The following KDM3B variants were observed in gnomAD, a reference collection of about 807,000 sequenced individuals.
KDM3B encodes lysine demethylase 3B, also known as lysine-specific demethylase 3B.
A neutral mutation model predicts 170.0 loss-of-function variants in KDM3B; 10 were observed. That is an observed-to-expected ratio of 0.06 (90% confidence interval 0.04 to 0.10). The LOEUF (loss-of-function observed/expected upper bound fraction) is 0.10. Ranked by LOEUF, KDM3B falls within the 10% of genes least tolerant of loss-of-function variation. The pLI is 1.00. For synonymous variants in KDM3B, 831 were observed against 834.8 expected, an observed-to-expected ratio of 1.00 and a Z score of 0.08; for missense variants, 1,394 against 2,195.2, an observed-to-expected ratio of 0.64 and a Z score of 7.29.
chr5:138,415,637 A>G (rs1763083760), intron 12 of KDM3B, among the ~76,000 whole-genome samples: 1 of 150,224 alleles, frequency 6.7e-6, no homozygotes. Context: ...TTTTTCAGAG[A>G]CGGAGTCCCA....
chr5:138,430,665 T>C (rs768386971), intron 22 of KDM3B, among the ~76,000 whole-genome samples: 3 of 151,966 alleles, frequency 2.0e-5, no homozygotes, highest in Non-Finnish European at 4.4e-5. Context: ...CCGAGGCGGG[T>C]GGATCACCTG....
At chr5:138,430,504 G>A in intron 22 of KDM3B, 79 bp downstream of exon 22, 2 of 1,290,252 alleles carry the variant, frequency 1.6e-6, no homozygotes, top group Non-Finnish European at 2.2e-6. Context: ...TCTACCAAGA[G>A]ATTTAAGTAG....
intron 15 of KDM3B, among the ~76,000 whole-genome samples, chr5:138,422,010 T>G (rs1198148137): frequency 1.3e-5 from 2 of 152,186 alleles, no homozygotes; most frequent in East Asian, 3.8e-4. Flanking sequence ...CACTTGTTAT[T>G]TCCTCCACCT....
At chr5:138,388,641 TAAA>T (rs60280463) in intron 7 of KDM3B, among the ~76,000 whole-genome samples, 3 of 84,642 alleles carry the variant, frequency 3.5e-5, no homozygotes, top group African/African-American at 4.6e-5. Flanking sequence ...ACTCCGTCTT[TAAA>T]AAAAAAAAAA....
chr5:138,421,381 T>G (rs919063811), intron 15 of KDM3B, among the ~76,000 whole-genome samples: 4 of 152,260 alleles, frequency 2.6e-5, no homozygotes, highest in African/African-American at 9.6e-5. Context: ...TACTGGTTGG[T>G]GGCATCTCTG....
At chr5:138,364,927 A>G (rs115362122) in intron 1 of KDM3B, among the ~76,000 whole-genome samples, 3,734 of 152,264 alleles carry the variant, frequency 0.025, 71 homozygotes, top group Non-Finnish European at 0.035. Flanking sequence ...TTTATTCAGG[A>G]TGTTAGAAAG....
At position 138,379,792 on chromosome 5, in the gene KDM3B, A is replaced by G. The variant is rs1004497958; in HGVS notation, c.705+84A>G. The G allele has an allele frequency of 3.0e-6, 4 of 1,346,700 alleles. No individual in the cohort carries two copies. In the African/African-American group the frequency reaches 5.9e-5, roughly 20 times the overall value. The allele number at this position is 1,346,700 out of a possible 1,614,324, so 83.4% of individuals were successfully genotyped here. On this transcript the variant is annotated intron_variant, in intron 5 of 23. Transcript: ENST00000314358. ...GATAGGCGAGCACTTCATTATGTGT[A>G]AGATGACTTGGGTTTCATCCCTGGC...
chr5:138,400,070 T>A (rs1166356069), intron 11 of KDM3B, 58 bp downstream of exon 11: 4 of 1,553,784 alleles, frequency 2.6e-6, no homozygotes, highest in East Asian at 2.3e-5. Flanking sequence ...GTCCAAGATG[T>A]TGTGGGATTT....
At chr5:138,428,224 G>T in intron 20 of KDM3B, 138 bp downstream of exon 20, 1 of 910,386 alleles carries the variant, frequency 1.1e-6, no homozygotes, top group South Asian at 1.7e-5. Context: ...TTTGGGGGGC[G>T]GGGAGGCAGA....
chr5:138,373,559 C>T (rs1323246912), intron 2 of KDM3B, among the ~76,000 whole-genome samples: 3 of 151,770 alleles, frequency 2.0e-5, no homozygotes, highest in East Asian at 3.9e-4. Flanking sequence ...CAGAGCTCAC[C>T]GCAACCTCTG....
intron 11 of KDM3B, among the ~76,000 whole-genome samples, chr5:138,402,745 G>A (rs561632719): frequency 3.9e-5 from 6 of 152,318 alleles, no homozygotes; most frequent in African/African-American, 1.4e-4. Flanking sequence ...ATCTCTAAGA[G>A]AAGGGAAAAA....
intron 14 of KDM3B, 134 bp downstream of exon 14, chr5:138,419,366 A>G (rs1347005273): frequency 7.9e-6 from 9 of 1,142,866 alleles, no homozygotes; most frequent in African/African-American, 3.1e-5. Flanking sequence ...CACATGAGGG[A>G]CTGCCGGGGC....
intron 11 of KDM3B, among the ~76,000 whole-genome samples, chr5:138,406,896 T>C (rs1441019381): frequency 2.9e-5 from 4 of 137,972 alleles, no homozygotes; most frequent in African/African-American, 1.1e-4. Flanking sequence ...TCTTTAATAA[T>C]AAAAAAAAAG....
chr5:138,357,409 C>G (rs1293406031), intron 1 of KDM3B, among the ~76,000 whole-genome samples: 3 of 151,536 alleles, frequency 2.0e-5, no homozygotes, highest in Non-Finnish European at 4.4e-5. Context: ...GTCACCCAAG[C>G]TGGAGTGCAA....
In KDM3B at chr5:138,386,488, G is replaced by A; in HGVS notation, c.1247G>A (p.Gly416Asp). The change falls in exon 7 of 24, where the codon GGC (glycine) becomes GAC (aspartate). Residue 416 changes from glycine (G) to aspartate (D), a missense_variant. Around this residue, in one of 19 missense-constraint regions of KDM3B, gnomAD observed 205 missense variants for 227.6 expected, o/e 0.90. Coordinates refer to ENST00000314358, the MANE Select transcript of KDM3B (RefSeq NM_016604.4). ...AAAACACTGGAACAAGTTGGCCAGG[G>A]CATAGTGGCTTCCGCAGCTGTGGTC... ...AGKTLEQVGQ[G>D]IVASAAVVTT... The A allele has an allele frequency of 1.2e-6, 2 of 1,614,184 alleles. No individual in the cohort carries two copies. Among genetic ancestry groups the A allele is most frequent in the East Asian group, 2.2e-5 (1 of 44,888 alleles).
rs1407953961 is a variant in KDM3B at position 138,419,232 on chromosome 5, G to A, written c.3715G>A (p.Glu1239Lys). ...ATQKAKEETK[E>K]AGSLRSVLNK... ...TCAGAAGGCTAAAGAAGAAACAAAAGGTGAGATGCACACAAACCTCTGCTC... is the reference window on the plus strand; with the variant it reads ...TCAGAAGGCTAAAGAAGAAACAAAAAGTGAGATGCACACAAACCTCTGCTC... Residue 1239 changes from glutamate (E) to lysine (K), a missense_variant and splice_region_variant, in exon 14 of 24, where the codon GAA (glutamate) becomes AAA (lysine). By Grantham distance (56) the Glu-to-Lys change is moderately conservative. Transcript: ENST00000314358. 1.2e-6 allele frequency: 2 copies of A among 1,612,374 alleles called. No individual in the cohort carries two copies. The highest frequency in any genetic ancestry group is 1.1e-5 in the South Asian group (1 of 91,024).
In KDM3B at chr5:138,368,063, C is replaced by T. The variant is rs183652088; in HGVS notation, c.193-4611C>T. On this transcript the variant is annotated intron_variant, in intron 1 of 23. Coordinates refer to ENST00000314358, the MANE Select transcript of KDM3B (RefSeq NM_016604.4). Reference sequence around the variant, plus strand: ...ACTGTTTAACTGTTTTAGTCCTCCCCTACTAAGATTATCAACCTCCCTTGG... The same window carrying T: ...ACTGTTTAACTGTTTTAGTCCTCCCTTACTAAGATTATCAACCTCCCTTGG... 2.6e-5 allele frequency among the ~76,000 whole-genome samples: 4 copies of T among 152,072 alleles called. No individual in the cohort carries two copies. The East Asian group carries it at 7.7e-4, about 29-fold the overall frequency.
rs1580902452 is a variant in KDM3B at position 138,386,631 on chromosome 5, T to C, written c.1380+10T>C. On this transcript the variant is annotated intron_variant, in intron 7 of 23. Transcript: ENST00000314358. ...GCAGGCCTCGGGAGAGGTGAGTTAC[T>C]TCAGGGGCAGATTTGCAAGATTTGG... The C allele has an allele frequency of 6.2e-7, 1 of 1,601,228 alleles. No homozygotes were observed. Among genetic ancestry groups the C allele is most frequent in the East Asian group, 2.2e-5 (1 of 44,568 alleles).
chr5:138,379,703 A>G lies in KDM3B; in HGVS notation c.700A>G (p.Thr234Ala). The change falls in exon 5 of 24, where the codon ACT (threonine) becomes GCT (alanine). Residue 234 changes from threonine to alanine, a missense_variant. Coordinates refer to ENST00000314358, the MANE Select transcript of KDM3B (RefSeq NM_016604.4). ...CACTCGTCTTATGGAGGTGTCTGTA[A>G]CTGAGGTGAGACTCTGTGTTATTCT... ...SITRLMEVSV[T>A]ESGEIKSVDP... is the part of the protein sequence containing the mutation. The G allele has an allele frequency of 1.2e-6, 2 of 1,613,302 alleles. No individual in the cohort carries two copies. Among genetic ancestry groups the G allele is most frequent in the South Asian group, 2.2e-5 (2 of 90,890 alleles).
Sources: gnomAD v4.1 joint callset for allele counts (sites outside exome capture counted in the v4.1 genomes callset) on GRCh38, gnomAD v4.1.1 for gene constraint, gnomAD v4.1.1 regional missense constraint, MANE v1.5 for transcripts, NCBI Gene and HGNC (gene_info 2026-07-23, HGNC 2026-07-21) for gene names.